The following DLC1 variants were observed in gnomAD, a reference collection of about 807,000 sequenced individuals.
The protein encoded by DLC1 is rho GTPase-activating protein 7.
Under a neutral mutation model 140.3 loss-of-function variants are expected in DLC1, and 54 were observed. The observed-to-expected ratio is 0.38, with a 90% confidence interval of 0.31 to 0.48. The LOEUF (loss-of-function observed/expected upper bound fraction) is 0.48, where lower values mean the gene tolerates loss of function less well. Among genes scored for constraint, DLC1 ranks in the 20% least tolerant of loss-of-function variants. The probability of loss-of-function intolerance (pLI) is 0.96; values close to 1 mark genes in which losing one functional copy is unlikely to be tolerated. For missense variants in DLC1, 2,536 were observed against 1,907.0 expected, an observed-to-expected ratio of 1.33 and a Z score of -6.14; for synonymous variants, 986 against 728.1, an observed-to-expected ratio of 1.35 and a Z score of -5.70.
intron 1 of DLC1, among the ~76,000 whole-genome samples, chr8:13,529,127 A>G (rs1388439036): frequency 6.6e-6 from 1 of 152,190 alleles, no homozygotes; most frequent in Non-Finnish European, 1.5e-5. Flanking sequence ...ATTAGAGGAA[A>G]TGTTTTTCTT....
At chr8:13,515,568 T>G (rs1034156059), upstream of DLC1, 1 of 152,184 alleles carries the variant, frequency 6.6e-6, no homozygotes, top group African/African-American at 2.4e-5. Flanking sequence ...ACTGCTTCCA[T>G]CTAGCATGGC....
At chr8:13,557,663 C>T (rs1028824045) in intron 1 of DLC1, 1 of 152,342 alleles carries the variant, frequency 6.6e-6, no homozygotes, top group Non-Finnish European at 1.5e-5. Flanking sequence ...AAGAAGGTGC[C>T]TGTTACCCCT....
At chr8:13,267,168 T>TGTC (rs1393069767) in intron 5 of DLC1, among the ~76,000 whole-genome samples, 1 of 152,238 alleles carries the variant, frequency 6.6e-6, no homozygotes, top group Non-Finnish European at 1.5e-5. Context: ...GAAACATTAG[T>TGTC]GTCCAAAGAC....
chr8:13,406,993 C>T (rs190416835), intron 2 of DLC1, among the ~76,000 whole-genome samples: 148 of 152,304 alleles, frequency 9.7e-4, no homozygotes, highest in African/African-American at 3.4e-3. Context: ...TTTGGGACTG[C>T]AACCAGCTGC....
In DLC1 at chr8:13,093,552, C is replaced by A. The variant is rs577996578; in HGVS notation, c.3527-727G>T. ...ACAGGTAGAAAATGCTGATCCCGATCTTCAGGTCTCCTTGAATACATAACT... is the reference window on the plus strand; with the variant it reads ...ACAGGTAGAAAATGCTGATCCCGATATTCAGGTCTCCTTGAATACATAACT... On this transcript the variant is annotated intron_variant, in intron 12 of 17. Coordinates refer to ENST00000276297, the MANE Select transcript of DLC1 (RefSeq NM_182643.3). Among the ~76,000 whole-genome samples the A allele has an allele frequency of 2.5e-4, 38 of 152,320 alleles. 1 individual carries two copies. In the South Asian group the frequency reaches 7.9e-3, roughly 32 times the overall value.
chr8:13,482,143 A>G (rs561519810), intron 2 of DLC1, among the ~76,000 whole-genome samples: 12 of 152,336 alleles, frequency 7.9e-5, no homozygotes, highest in African/African-American at 2.4e-4. Context: ...ACAGCCCAAG[A>G]AAATGAATAC....
chr8:13,104,899 G>C (rs181301278), intron 7 of DLC1, among the ~76,000 whole-genome samples: 1 of 152,108 alleles, frequency 6.6e-6, no homozygotes, highest in African/African-American at 2.4e-5. Context: ...TGGATATAAG[G>C]TCCCTCTATT....
intron 2 of DLC1, among the ~76,000 whole-genome samples, chr8:13,469,218 A>T (rs1800095369): frequency 6.6e-6 from 1 of 152,136 alleles, no homozygotes; most frequent in Non-Finnish European, 1.5e-5. Context: ...CTCACGTTGG[A>T]TATTTTTCTT....
chr8:13,487,716 G>T (rs1013375255), intron 2 of DLC1, among the ~76,000 whole-genome samples: 6 of 152,032 alleles, frequency 3.9e-5, no homozygotes, highest in African/African-American at 1.4e-4. Context: ...GGGATGACAG[G>T]TGCCCACCAC....
At chr8:13,508,204 T>C (rs1802192282) in intron 1 of DLC1, among the ~76,000 whole-genome samples, 1 of 152,212 alleles carries the variant, frequency 6.6e-6, no homozygotes, top group African/African-American at 2.4e-5. Context: ...TGGCAGTGTT[T>C]GACTTACCAC....
chr8:13,490,063 A>C (rs1801166752), intron 2 of DLC1, among the ~76,000 whole-genome samples: 1 of 152,014 alleles, frequency 6.6e-6, no homozygotes, highest in Non-Finnish European at 1.5e-5. Flanking sequence ...CCCCCACTTT[A>C]GGTTGTGCTT....
intron 1 of DLC1, among the ~76,000 whole-genome samples, chr8:13,574,866 C>T (rs1804782000): frequency 6.6e-6 from 1 of 152,120 alleles, no homozygotes; most frequent in African/African-American, 2.4e-5. Flanking sequence ...CAATTTTAAA[C>T]ATGTTAGTTT....
At chr8:13,531,476 C>T (rs999062050) in intron 1 of DLC1, among the ~76,000 whole-genome samples, 6 of 152,258 alleles carry the variant, frequency 3.9e-5, no homozygotes, top group South Asian at 2.1e-4. Flanking sequence ...ATCCCAGTTA[C>T]TCAGGTGGCT....
rs776919335 is a variant in DLC1, at chr8:13,100,361, G to T, written c.1976C>A (p.Thr659Asn). 12 of 1,614,228 alleles carry T rather than the reference G, an allele frequency of 7.4e-6. No individual in the cohort carries two copies. The highest frequency in any genetic ancestry group is 1.0e-5 in the Non-Finnish European group (12 of 1,180,048). ...CAGACTGCGCGTCTTGGACTTGGCA[G>T]TTTTTTCGTGGCCTTTCATGCTGAA... ...FSFSMKGHEK[T>N]AKSKTRSLLK... The change falls in exon 9 of 18, where the codon ACT becomes AAT. Residue 659 changes from threonine (T) to asparagine (N), a missense_variant. By Grantham distance (65) the Thr-to-Asn change is moderately conservative (BLOSUM62 0). Coordinates refer to ENST00000276297, the MANE Select transcript of DLC1 (RefSeq NM_182643.3).
rs368040836 is a variant in DLC1 at position 13,287,839 on chromosome 8, T to C, written c.1348+17430A>G. Reference sequence around the variant, plus strand: ...AAAACAGGCAATTTTGCCAATTAAGTGTAAAATATAATTATTATAAGGTAG... The same window carrying C: ...AAAACAGGCAATTTTGCCAATTAAGCGTAAAATATAATTATTATAAGGTAG... On this transcript the variant is annotated intron_variant, in intron 5 of 17. Coordinates refer to ENST00000276297, the MANE Select transcript of DLC1 (RefSeq NM_182643.3). Among the ~76,000 whole-genome samples the C allele has an allele frequency of 5.1e-3, 776 of 151,768 alleles. 8 individuals are homozygous for C. Among genetic ancestry groups the C allele is most frequent in the African/African-American group, 0.017 (717 of 41,462 alleles).
In DLC1 at chr8:13,382,375, C is replaced by T. The variant is rs565978619; in HGVS notation, c.1314+11178G>A. 9.3e-3 allele frequency among the ~76,000 whole-genome samples: 1,404 copies of T among 150,566 alleles called. 14 individuals carry two copies. The highest frequency in any genetic ancestry group is 0.014 in the Non-Finnish European group (931 of 67,552). On this transcript the variant is annotated intron_variant, in intron 4 of 17. Transcript: ENST00000276297. ...ACAAAAAATTAGCCGGGCGAGGTGG[C>T]GGGCGCCTGTAGTCCCAGCTACTCG...
At chr8:13,254,940 A>T (rs775643119) in intron 5 of DLC1, among the ~76,000 whole-genome samples, 44 of 151,660 alleles carry the variant, frequency 2.9e-4, no homozygotes, top group Non-Finnish European at 5.9e-4. Flanking sequence ...TTACTATATG[A>T]TCTTGGAAGA....
At chr8:13,550,072 G>A (rs1456379533) in intron 1 of DLC1, among the ~76,000 whole-genome samples, 1 of 152,100 alleles carries the variant, frequency 6.6e-6, no homozygotes, top group East Asian at 1.9e-4. Flanking sequence ...CCTTACAATA[G>A]GCTAGAGAGA....
chr8:13,554,124 T>C (rs1585268821), intron 1 of DLC1, among the ~76,000 whole-genome samples: 1 of 152,138 alleles, frequency 6.6e-6, no homozygotes, highest in Admixed American at 6.5e-5. Context: ...TGGAGTGCAA[T>C]GGCACAATCT....
Sources: gnomAD v4.1 joint callset for allele counts (sites outside exome capture counted in the v4.1 genomes callset) on GRCh38, gnomAD v4.1.1 for gene constraint, MANE v1.5 for transcripts, NCBI Gene and HGNC (gene_info 2026-07-23, HGNC 2026-07-21) for gene names.